Variants in SEC63 observed in about 807,000 individuals in gnomAD.
The protein encoded by SEC63 is SEC63 protein translocation regulator, also known as translocation protein SEC63 homolog.
A neutral mutation model predicts 116.2 loss-of-function variants in SEC63; 56 were observed. The observed-to-expected ratio is 0.48, with a 90% CI of 0.39 to 0.60. The LOEUF is 0.60. SEC63 is among the 20% of genes least tolerant of loss of function. The probability of loss-of-function intolerance (pLI) is 0.00; values close to 1 mark genes in which losing one functional copy is unlikely to be tolerated. For missense variants in SEC63, 668 were observed against 900.0 expected (o/e 0.74, Z 3.30); for synonymous variants, 273 against 294.6 (o/e 0.93, Z 0.75).
At chr6:107,904,598 T>A (rs1787099088) in intron 11 of SEC63, 31 bp downstream of exon 11, 1 of 1,522,580 alleles carries the variant, frequency 6.6e-7, no homozygotes, top group African/African-American at 1.4e-5. Flanking sequence ...CAAGAAAAAG[T>A]ATAACATAAT....
intron 2 of SEC63, among the ~76,000 whole-genome samples, chr6:107,927,971 G>A (rs1446792066): frequency 6.6e-6 from 1 of 152,024 alleles, no homozygotes; most frequent in Non-Finnish European, 1.5e-5. Context: ...TCACAGTTGG[G>A]TGAATCTTCC....
chr6:107,921,915 GAAAA>G lies in SEC63; in HGVS notation c.340-10_340-7del, dbSNP rs66526324. ...ATTTCTGCTACTGTGGCTCCCTGGG[GAAAA>G]ACAAAAAAAAAAAACAAGCTTTCTG... On this transcript the variant is annotated splice_region_variant and splice_polypyrimidine_tract_variant and intron_variant, in intron 3 of 20. Coordinates refer to ENST00000369002, the MANE Select transcript of SEC63 (RefSeq NM_007214.5). 4 of 1,104,752 alleles carry G rather than the reference GAAAA, an allele frequency of 3.6e-6. No homozygotes were observed. The highest frequency in any genetic ancestry group is 4.9e-6 in the Non-Finnish European group (4 of 814,554). The allele number at this position is 1,104,752 out of a possible 1,614,324, so 68.4% of individuals were successfully genotyped here.
At chr6:107,911,499 G>A in intron 6 of SEC63, 103 bp from the exon 7 acceptor site, 1 of 769,614 alleles carries the variant, frequency 1.3e-6, no homozygotes, top group South Asian at 1.5e-5. Flanking sequence ...CTATTAAAAG[G>A]ATTCCTCATG....
chr6:107,931,320 A>C (rs9386684), intron 1 of SEC63, among the ~76,000 whole-genome samples: 148,416 of 151,932 alleles, frequency 0.98, 72,530 homozygotes, highest in African/African-American at 0.99. Flanking sequence ...CCAGCCTGGG[A>C]AACAAGAATG....
In SEC63 at chr6:107,912,701, T is replaced by C. The variant is rs373122628; in HGVS notation, c.573+15A>G. ...GTCTAATACATCATAATGTATCTTA[T>C]TTAAATGCACTCACCAGAATTGAGT... is the stretch of plus-strand genomic sequence containing the variant. On this transcript the variant is annotated intron_variant, in intron 6 of 20. Transcript: ENST00000369002. 6.4e-7 allele frequency: 1 copy of C among 1,555,958 alleles called. No individual in the cohort carries two copies. The highest frequency in any genetic ancestry group is 1.4e-5 in the African/African-American group (1 of 73,806).
At chr6:107,906,188 T>C (rs915290254) in intron 10 of SEC63, among the ~76,000 whole-genome samples, 15 of 152,196 alleles carry the variant, frequency 9.9e-5, no homozygotes, top group Non-Finnish European at 1.9e-4. Flanking sequence ...GCTCTGGCCA[T>C]GTGAAGACAC....
chr6:107,925,015 A>G, intron 2 of SEC63, 83 bp from the exon 3 acceptor site: 1 of 792,308 alleles, frequency 1.3e-6, no homozygotes, highest in South Asian at 1.4e-5. Context: ...CAAGGCAAAA[A>G]CTCTACAGTA....
intron 1 of SEC63, among the ~76,000 whole-genome samples, chr6:107,934,145 C>T (rs1190444278): frequency 3.9e-5 from 6 of 152,164 alleles, no homozygotes; most frequent in Non-Finnish European, 7.3e-5. Flanking sequence ...GCCGCCACCC[C>T]GTCTGGGAAG....
At chr6:107,925,684 T>C (rs1477313679) in intron 2 of SEC63, among the ~76,000 whole-genome samples, 1 of 152,188 alleles carries the variant, frequency 6.6e-6, no homozygotes, top group Non-Finnish European at 1.5e-5. Context: ...TCTAAAGTAA[T>C]ATCTGGCAGT....
intron 11 of SEC63, among the ~76,000 whole-genome samples, chr6:107,903,301 T>C (rs566560372): frequency 1.6e-4 from 24 of 151,926 alleles, no homozygotes; most frequent in Non-Finnish European, 2.4e-4. Context: ...AGAACCAACA[T>C]CACCCGTAAC....
At chr6:107,934,053 C>T (rs7762886) in intron 1 of SEC63, among the ~76,000 whole-genome samples, 6,886 of 152,232 alleles carry the variant, frequency 0.045, 476 homozygotes, top group African/African-American at 0.16. Flanking sequence ...AGTGCAGTGG[C>T]GTGATCTTGG....
chr6:107,904,941 A>T (rs1178221997), intron 10 of SEC63, among the ~76,000 whole-genome samples: 1 of 152,188 alleles, frequency 6.6e-6, no homozygotes, highest in African/African-American at 2.4e-5. Context: ...ACAAATTTTT[A>T]ATATCATAAT....
intron 16 of SEC63, among the ~76,000 whole-genome samples, chr6:107,889,130 T>C (rs1786610728): frequency 6.6e-6 from 1 of 152,198 alleles, no homozygotes; most frequent in South Asian, 2.1e-4. Flanking sequence ...GGATTCCCTC[T>C]TTTTCTGTTG....
At chr6:107,917,097 A>G (rs1039050916) in intron 4 of SEC63, among the ~76,000 whole-genome samples, 1 of 152,206 alleles carries the variant, frequency 6.6e-6, no homozygotes, top group Non-Finnish European at 1.5e-5. Flanking sequence ...CCAGAGCAGA[A>G]AACTGCTTAA....
rs12529777 is a variant in SEC63, at chr6:107,868,534, G to T, written c.*3170C>A. The stretch of plus-strand genomic sequence containing the variant: ...GCGGAGGTTGCAGTGAGCTGAGATC[G>T]TGCCACTGCACTCCTCCAGCCTGGA... On this transcript the variant is annotated 3_prime_UTR_variant, in exon 21 of 21. Transcript: ENST00000369002. 2 of 152,232 alleles carry T rather than the reference G, an allele frequency of 1.3e-5. No homozygotes were observed. The highest frequency in any genetic ancestry group is 4.8e-5 in the African/African-American group (2 of 41,406). 9.4% of individuals were successfully genotyped at this position (152,232 alleles called of 1,614,324 possible).
chr6:107,932,749 A>G (rs1787841391), intron 1 of SEC63, among the ~76,000 whole-genome samples: 1 of 152,184 alleles, frequency 6.6e-6, no homozygotes, highest in Non-Finnish European at 1.5e-5. Context: ...TCTATCTACT[A>G]AGTGGGCCTA....
chr6:107,955,130 G>A (rs917591981), intron 1 of SEC63, among the ~76,000 whole-genome samples: 1 of 152,146 alleles, frequency 6.6e-6, no homozygotes, highest in Admixed American at 6.5e-5. Context: ...AACCATACAG[G>A]AAAATTACTT....
chr6:107,871,273 G>A lies in SEC63; in HGVS notation c.*431C>T, dbSNP rs980895437. ...TTATCAAGAGATTATCAACTTGAGCGATGTTACTTAAACTTGAGCGATGTT... is the reference window on the plus strand; with the variant it reads ...TTATCAAGAGATTATCAACTTGAGCAATGTTACTTAAACTTGAGCGATGTT... On this transcript the variant is annotated 3_prime_UTR_variant, in exon 21 of 21. Coordinates refer to ENST00000369002, the MANE Select transcript of SEC63 (RefSeq NM_007214.5). The A allele has an allele frequency of 1.1e-4, 21 of 183,800 alleles. No individual in the cohort carries two copies. Among genetic ancestry groups the A allele is most frequent in the Admixed American group, 9.3e-4 (17 of 18,244 alleles). 11.4% of individuals were successfully genotyped at this position (183,800 alleles called of 1,614,324 possible).
chr6:107,953,130 C>G (rs577175362), intron 1 of SEC63, among the ~76,000 whole-genome samples: 66 of 152,218 alleles, frequency 4.3e-4, no homozygotes, highest in Non-Finnish European at 7.8e-4. Flanking sequence ...CATGGTGGCT[C>G]GCGCCAGTTT....
Sources: allele counts gnomAD v4.1 joint callset (sites outside exome capture counted in the v4.1 genomes callset), GRCh38; gene constraint gnomAD v4.1.1; transcripts MANE v1.5; gene names NCBI Gene and HGNC (gene_info 2026-07-23, HGNC 2026-07-21).